AMZ1: variants seen among roughly 807,000 people sequenced by gnomAD.
The protein encoded by AMZ1 is archaelysin family metallopeptidase 1, also known as archaemetzincin-1.
In AMZ1, 39 loss-of-function variants were observed where a neutral mutation model predicts 29.9. The observed-to-expected ratio is 1.30, with a 90% confidence interval of 1.01 to 1.70. The LOEUF is 1.70. AMZ1 is among the 40% of genes most tolerant of loss of function. The pLI is 0.00. For missense variants in AMZ1, 1,041 were observed against 680.6 expected (o/e 1.53, Z -5.89); for synonymous variants, 458 against 304.0 (o/e 1.51, Z -5.27).
At chr7:2,762,683 A>G, upstream of AMZ1, 2 of 1,586,932 alleles carry the variant, frequency 1.3e-6, no homozygotes, top group South Asian at 2.3e-5. Context: ...TTGGAAAGAA[A>G]CCACGCTGCC....
At position 2,719,196 on chromosome 7, in the gene AMZ1, G is replaced by A. The variant is rs1206624475; in HGVS notation, c.*6318G>A. On this transcript the variant is annotated 3_prime_UTR_variant, in exon 7 of 7. Coordinates refer to ENST00000683327, the MANE Select transcript of AMZ1 (RefSeq NM_001384743.1). ...GCCAACCCAACTCCTCCGACAGAAC[G>A]GCAGGTGGCCCCTGTCGGAAGGGGG... Among the ~76,000 whole-genome samples, 2 of 152,284 alleles carry A rather than the reference G, an allele frequency of 1.3e-5. No homozygotes were observed. The highest frequency in any genetic ancestry group is 1.5e-5 in the Non-Finnish European group (1 of 68,018).
At chr7:2,696,313 G>A (rs1318826470) in intron 1 of AMZ1, among the ~76,000 whole-genome samples, 10 of 146,174 alleles carry the variant, frequency 6.8e-5, no homozygotes, top group African/African-American at 1.0e-4. Flanking sequence ...CTGGAGTGCA[G>A]TGGTGCGATC....
intron 2 of AMZ1, among the ~76,000 whole-genome samples, chr7:2,701,330 A>G (rs945036270): frequency 6.6e-6 from 1 of 152,080 alleles, no homozygotes; most frequent in Admixed American, 6.5e-5. Flanking sequence ...GACCTGTGTG[A>G]CTGGCAGAGC....
downstream of AMZ1, among the ~76,000 whole-genome samples, chr7:2,724,341 C>T (rs1034276715): frequency 6.6e-6 from 1 of 152,274 alleles, no homozygotes; most frequent in East Asian, 1.9e-4. Context: ...AGCTCTACTT[C>T]AACGACAAAT....
chr7:2,706,112 G>A (rs1403320700), intron 3 of AMZ1, among the ~76,000 whole-genome samples: 1 of 152,246 alleles, frequency 6.6e-6, no homozygotes, highest in African/African-American at 2.4e-5. Context: ...CACTCGGGAA[G>A]GTTCAAAAGC....
intron 4 of AMZ1, among the ~76,000 whole-genome samples, chr7:2,743,083 G>A (rs557790783): frequency 3.3e-5 from 5 of 152,296 alleles, no homozygotes; most frequent in African/African-American, 9.6e-5. Context: ...ACTGCCAAGG[G>A]GTAAGGTGGG....
upstream of AMZ1, among the ~76,000 whole-genome samples, chr7:2,763,814 C>T (rs1791688018): frequency 6.6e-6 from 1 of 152,132 alleles, no homozygotes; most frequent in African/African-American, 2.4e-5. Flanking sequence ...CAGGCGAGGC[C>T]GGGACCTCTG....
chr7:2,726,666 C>T (rs1045550805), intron 4 of AMZ1, among the ~76,000 whole-genome samples: 2 of 152,232 alleles, frequency 1.3e-5, no homozygotes, highest in African/African-American at 4.8e-5. Context: ...CCCCACCAGC[C>T]ACACATGGGC....
At chr7:2,683,446 TG>T (rs747052325), upstream of AMZ1, among the ~76,000 whole-genome samples, 7 of 152,148 alleles carry the variant, frequency 4.6e-5, no homozygotes, top group Admixed American at 1.3e-4. Flanking sequence ...TTTTTGTTTT[TG>T]TTTTTTTTGA....
At chr7:2,693,701 G>A (rs1194536276) in intron 1 of AMZ1, among the ~76,000 whole-genome samples, 6 of 151,916 alleles carry the variant, frequency 3.9e-5, no homozygotes, top group African/African-American at 7.3e-5. Context: ...GACTATAGGC[G>A]CCCGCCACCA....
chr7:2,715,184 T>G lies in AMZ1; in HGVS notation c.*2306T>G, dbSNP rs1035889814. The stretch of plus-strand genomic sequence containing the variant: ...GGCCTCACGTCACAGAGCGTCACCT[T>G]TCCTGCACTCCACGGCGGCAGTGAC... On this transcript the variant is annotated 3_prime_UTR_variant, in exon 7 of 7. Coordinates refer to ENST00000683327, the MANE Select transcript of AMZ1 (RefSeq NM_001384743.1). 2.0e-5 allele frequency: 3 copies of G among 152,278 alleles called. No individual in the cohort carries two copies. Among genetic ancestry groups the G allele is most frequent in the African/African-American group, 7.2e-5 (3 of 41,420 alleles). The allele number at this position is 152,278 out of a possible 1,614,324, so 9.4% of individuals were successfully genotyped here. A position where few individuals can be genotyped will look rare whatever the true frequency, so the allele number is the denominator to read the frequency against.
Position 2,715,614 on chromosome 7 carries a change from T to G in AMZ1, c.*2736T>G, listed in dbSNP as rs1789075507. 1 of 152,330 alleles carries G rather than the reference T, an allele frequency of 6.6e-6. No individual in the cohort carries two copies. The highest frequency in any genetic ancestry group is 2.4e-5 in the African/African-American group (1 of 41,582). 9.4% of individuals were successfully genotyped at this position (152,330 alleles called of 1,614,324 possible). On this transcript the variant is annotated 3_prime_UTR_variant, in exon 7 of 7. Coordinates refer to ENST00000683327, the MANE Select transcript of AMZ1 (RefSeq NM_001384743.1). The stretch of plus-strand genomic sequence containing the variant: ...CTTTTATCCGCAGCGTTTACCAACT[T>G]GCAGATGTCAGTGAAATTTTTTAAG...
At chr7:2,732,628 G>A (rs1789956893) in intron 4 of AMZ1, among the ~76,000 whole-genome samples, 1 of 152,124 alleles carries the variant, frequency 6.6e-6, no homozygotes, top group South Asian at 2.1e-4. Context: ...GCAGCTTCTT[G>A]CCAAAACACC....
At chr7:2,761,628 C>T (rs1244364493), upstream of AMZ1, among the ~76,000 whole-genome samples, 3 of 152,174 alleles carry the variant, frequency 2.0e-5, no homozygotes, top group South Asian at 2.1e-4. Context: ...CCCGAACCGG[C>T]CTCTCAGGAC....
At chr7:2,696,012 G>GAAAA (rs372241499) in intron 1 of AMZ1, among the ~76,000 whole-genome samples, 1 of 139,934 alleles carries the variant, frequency 7.1e-6, no homozygotes. Context: ...GTCTTGGGGG[G>GAAAA]GAAAAAAAAA....
intron 1 of AMZ1, among the ~76,000 whole-genome samples, chr7:2,689,668 A>T (rs960368699): frequency 1.3e-5 from 2 of 152,206 alleles, no homozygotes; most frequent in Non-Finnish European, 2.9e-5. Context: ...GAAACACCGC[A>T]GTGGCACCTG....
At chr7:2,734,485 T>A (rs1464140091) in intron 4 of AMZ1, among the ~76,000 whole-genome samples, 2 of 152,160 alleles carry the variant, frequency 1.3e-5, no homozygotes, top group African/African-American at 4.8e-5. Context: ...CATACACATG[T>A]GGCGAGCTGA....
At chr7:2,711,950 C>T (rs534148844) in intron 6 of AMZ1, among the ~76,000 whole-genome samples, 8 of 152,190 alleles carry the variant, frequency 5.3e-5, no homozygotes, top group South Asian at 2.1e-4. Flanking sequence ...AGGAGGCCAA[C>T]GCAGGAGAAT....
chr7:2,733,160 T>C (rs1026887374), intron 4 of AMZ1, among the ~76,000 whole-genome samples: 4 of 152,236 alleles, frequency 2.6e-5, no homozygotes, highest in African/African-American at 9.7e-5. Context: ...TATTTGTTTT[T>C]GAGTATGTTT....
Sources: allele counts gnomAD v4.1 joint callset (sites outside exome capture counted in the v4.1 genomes callset), GRCh38; gene constraint gnomAD v4.1.1; transcripts MANE v1.5; gene names NCBI Gene and HGNC (gene_info 2026-07-23, HGNC 2026-07-21).